The following TPO variants were observed in gnomAD, a reference collection of about 807,000 sequenced individuals.
The protein encoded by TPO is thyroid microsomal antigen.
A neutral mutation model predicts 96.9 loss-of-function variants in TPO; 78 were observed. The ratio of observed to expected loss-of-function variants is 0.81; its 90% CI spans 0.67 to 0.97. The LOEUF (loss-of-function observed/expected upper bound fraction) is 0.97. Ranked by LOEUF, TPO falls within the 50% of genes least tolerant of loss-of-function variation. The pLI is 0.00. For missense variants in TPO, 1,252 were observed against 1,274.8 expected (o/e 0.98, Z 0.27); for synonymous variants, 547 against 538.0 (o/e 1.02, Z -0.23).
At chr2:1,485,758 T>A (rs1403721933) in intron 9 of TPO, among the ~76,000 whole-genome samples, 3 of 152,186 alleles carry the variant, frequency 2.0e-5, no homozygotes, top group Non-Finnish European at 2.9e-5. Flanking sequence ...GGTTGTTTGT[T>A]TTTTCCTTGT....
chr2:1,538,789 T>C (rs1680375387), intron 15 of TPO, among the ~76,000 whole-genome samples: 1 of 152,164 alleles, frequency 6.6e-6, no homozygotes, highest in Admixed American at 6.5e-5. Flanking sequence ...GTTGATGTTC[T>C]CACAGTTCTG....
chr2:1,529,604 T>A (rs57736437), intron 15 of TPO, among the ~76,000 whole-genome samples: 1 of 610 alleles, frequency 1.6e-3, no homozygotes, highest in Non-Finnish European at 2.6e-3. Context: ...AGCAACCTTC[T>A]CAAATCCCCC....
At chr2:1,487,576 T>C (rs749214327) in intron 9 of TPO, among the ~76,000 whole-genome samples, 25 of 152,066 alleles carry the variant, frequency 1.6e-4, no homozygotes, top group Non-Finnish European at 2.6e-4. Flanking sequence ...CTACTAAAAA[T>C]GCAAAAAGAA....
At chr2:1,377,092 A>C (rs1661733854) in intron 1 of TPO, among the ~76,000 whole-genome samples, 1 of 152,240 alleles carries the variant, frequency 6.6e-6, no homozygotes, top group Non-Finnish European at 1.5e-5. Flanking sequence ...AATAATATTT[A>C]ATTTTTGTGA....
intron 7 of TPO, among the ~76,000 whole-genome samples, chr2:1,463,690 G>C (rs371968960): frequency 6.6e-6 from 1 of 152,166 alleles, no homozygotes; most frequent in Non-Finnish European, 1.5e-5. Flanking sequence ...TCATGACCTT[G>C]CTCCTTCTGG....
chr2:1,470,630 T>A (rs998374345), intron 7 of TPO, among the ~76,000 whole-genome samples: 2 of 152,006 alleles, frequency 1.3e-5, no homozygotes, highest in East Asian at 3.9e-4. Flanking sequence ...TTTGTGTAGA[T>A]AAAATACTGC....
chr2:1,491,352 A>G (rs1410311831), intron 10 of TPO, among the ~76,000 whole-genome samples: 1 of 152,184 alleles, frequency 6.6e-6, no homozygotes, highest in East Asian at 1.9e-4. Flanking sequence ...AGAGTTGGAA[A>G]AAGATGCAAA....
chr2:1,457,553 G>A (rs1191595918), intron 7 of TPO, among the ~76,000 whole-genome samples: 1 of 141,060 alleles, frequency 7.1e-6, no homozygotes, highest in East Asian at 2.2e-4. Context: ...ATCGTGTGTG[G>A]GCAGATGTGT....
At chr2:1,440,431 TA>T (rs1410206693) in intron 5 of TPO, among the ~76,000 whole-genome samples, 1 of 152,250 alleles carries the variant, frequency 6.6e-6, no homozygotes, top group African/African-American at 2.4e-5. Context: ...ACGTATCACA[TA>T]AAATTACTTA....
chr2:1,470,094 T>C (rs11897713), intron 7 of TPO, among the ~76,000 whole-genome samples: 21,933 of 152,250 alleles, frequency 0.14, 2,032 homozygotes, highest in East Asian at 0.28. Context: ...TTGATTATTT[T>C]TCAGCAACAA....
At chr2:1,526,734 G>A (rs1250599479) in intron 15 of TPO, among the ~76,000 whole-genome samples, 24 of 101,886 alleles carry the variant, frequency 2.4e-4, no homozygotes, top group Non-Finnish European at 4.0e-4. Flanking sequence ...CCTAATGTGT[G>A]CAACATCCTC....
At chr2:1,541,538 A>G (rs10197874) in intron 16 of TPO, 40,840 of 152,418 alleles carry the variant, frequency 0.27, 6,503 homozygotes, top group African/African-American at 0.45. Context: ...TAAATTTTTT[A>G]CAGAGATGCA....
At chr2:1,443,382 GT>G (rs1666394442) in intron 5 of TPO, among the ~76,000 whole-genome samples, 1 of 149,840 alleles carries the variant, frequency 6.7e-6, no homozygotes, top group East Asian at 2.0e-4. Context: ...GCTCCTTCTT[GT>G]TTGTATGATC....
chr2:1,419,400 C>T (rs2148420646), intron 2 of TPO, among the ~76,000 whole-genome samples: 1 of 152,316 alleles, frequency 6.6e-6, no homozygotes, highest in Admixed American at 6.5e-5. Flanking sequence ...CTGGCCACCC[C>T]AGCTCCCTGG....
chr2:1,527,603 G>C (rs1676889872), intron 15 of TPO, among the ~76,000 whole-genome samples: 2 of 140,944 alleles, frequency 1.4e-5, no homozygotes, highest in African/African-American at 2.7e-5. Context: ...CCACCACTCT[G>C]TGCAACCTCT....
chr2:1,484,913 T>G lies in TPO; in HGVS notation c.1597+59T>G, dbSNP rs190052339. 3.0e-5 allele frequency: 48 copies of G among 1,600,338 alleles called. No individual in the cohort carries two copies. The Admixed American group carries it at 3.2e-4, about 11-fold the overall frequency. The stretch of plus-strand genomic sequence containing the variant: ...TGAACTCTTCCTTCTTTTTTTAATT[T>G]TTTTAAATTATATTTTAAGTTCTAG... On this transcript the variant is annotated intron_variant, in intron 9 of 16. Transcript: ENST00000329066.
In TPO at chr2:1,490,854, A is replaced by G. The variant is rs145027539; in HGVS notation, c.1768+2863A>G. Among the ~76,000 whole-genome samples the G allele has an allele frequency of 4.7e-3, 711 of 152,350 alleles. 5 individuals carry two copies. Among genetic ancestry groups the G allele is most frequent in the African/African-American group, 0.016 (661 of 41,588 alleles). On this transcript the variant is annotated intron_variant, in intron 10 of 16. Transcript: ENST00000329066. ...TCTTTTGTTGTACTTTACGGGGAAT[A>G]TAAAATGTACAACCTTCCCCAAAAC...
Position 1,453,774 on chromosome 2 carries a change from C to G in TPO, c.563C>G (p.Pro188Arg). The G allele has an allele frequency of 6.2e-7, 1 of 1,613,910 alleles. No individual in the cohort carries two copies. Among genetic ancestry groups the G allele is most frequent in the Non-Finnish European group, 8.5e-7 (1 of 1,180,040 alleles). ...GTCTATGAGGACGGCTTCAGTCAGC[C>G]CCGAGGCTGGAACCCCGGCTTCTTG... ...PPVYEDGFSQ[P>R]RGWNPGFLYN... Residue 188 changes from proline (P) to arginine (R), a missense_variant, in exon 6 of 17, where the codon CCC (proline) becomes CGC (arginine). By Grantham distance (103) the Pro-to-Arg change is moderately radical. Coordinates refer to ENST00000329066, the MANE Select transcript of TPO (RefSeq NM_001206744.2).
At position 1,462,541 on chromosome 2, in the gene TPO, C is replaced by CACACACACACACAT. The variant is rs58980999; in HGVS notation, c.819+6260_819+6261insCACACACACACATA. Among the ~76,000 whole-genome samples, 1,131 of 148,008 alleles carry CACACACACACACAT rather than the reference C, an allele frequency of 7.6e-3. 121 individuals are homozygous for CACACACACACACAT. The highest frequency in any genetic ancestry group is 0.016 in the Admixed American group (237 of 14,870). On this transcript the variant is annotated intron_variant, in intron 7 of 16. Coordinates refer to ENST00000329066, the MANE Select transcript of TPO (RefSeq NM_001206744.2). ...AAACACACACACACACACACACACA[C>CACACACACACACAT]AGATATCAATGAAAGATAAATGAAC... is the stretch of plus-strand genomic sequence containing the variant.
Sources: gnomAD v4.1 joint callset for allele counts (sites outside exome capture counted in the v4.1 genomes callset) on GRCh38, gnomAD v4.1.1 for gene constraint, MANE v1.5 for transcripts, NCBI Gene and HGNC (gene_info 2026-07-23, HGNC 2026-07-21) for gene names.